The following DOCK5 variants were observed in gnomAD, a reference collection of about 807,000 sequenced individuals.
The protein encoded by DOCK5 is dedicator of cytokinesis protein 5.
In DOCK5, 142 loss-of-function variants were observed where a neutral mutation model predicts 251.8. The ratio of observed to expected loss-of-function variants is 0.56; its 90% CI spans 0.49 to 0.65. The LOEUF is 0.65. DOCK5 is among the 30% of genes least tolerant of loss of function. The pLI, the probability that DOCK5 is intolerant of heterozygous loss-of-function variation, is 0.00. For synonymous variants in DOCK5, 842 were observed against 835.5 expected, an observed-to-expected ratio of 1.01 and a Z score of -0.13; for missense variants, 2,111 against 2,312.3, an observed-to-expected ratio of 0.91 and a Z score of 1.79.
At chr8:25,236,556 A>C (rs532834260) in intron 1 of DOCK5, among the ~76,000 whole-genome samples, 5 of 152,240 alleles carry the variant, frequency 3.3e-5, no homozygotes, top group African/African-American at 1.2e-4. Context: ...TCAAGATCAT[A>C]ATGGAAAAGA....
chr8:25,224,665 T>A (rs2117506070), intron 1 of DOCK5, among the ~76,000 whole-genome samples: 1 of 152,326 alleles, frequency 6.6e-6, no homozygotes, highest in South Asian at 2.1e-4. Context: ...GGCCTGAGGC[T>A]CTTCTCTGCA....
chr8:25,373,001 AT>A (rs36091443), intron 35 of DOCK5, among the ~76,000 whole-genome samples: 19,184 of 141,174 alleles, frequency 0.14, 1,396 homozygotes, highest in African/African-American at 0.22. Context: ...AGTTTTGGGG[AT>A]TTTTTTTTTT....
chr8:25,353,593 A>T (rs1466328602), intron 27 of DOCK5, among the ~76,000 whole-genome samples: 1 of 152,124 alleles, frequency 6.6e-6, no homozygotes, highest in Non-Finnish European at 1.5e-5. Flanking sequence ...CAACAGAAAG[A>T]GGGAATAAAA....
intron 1 of DOCK5, among the ~76,000 whole-genome samples, chr8:25,233,074 A>G (rs1442514864): frequency 6.6e-6 from 1 of 152,058 alleles, no homozygotes; most frequent in African/African-American, 2.4e-5. Flanking sequence ...TCTGCCCTGC[A>G]CATTCTAGCC....
intron 28 of DOCK5, among the ~76,000 whole-genome samples, chr8:25,361,738 C>T (rs1800685222): frequency 6.6e-6 from 1 of 152,048 alleles, no homozygotes; most frequent in South Asian, 2.1e-4. Flanking sequence ...GGGGAGAATC[C>T]ACAGTTGCAC....
chr8:25,414,749 G>A lies in DOCK5; in HGVS notation c.*3451G>A, dbSNP rs911198740. The A allele has an allele frequency of 1.3e-5, 2 of 151,992 alleles. No homozygotes were observed. Among genetic ancestry groups the A allele is most frequent in the African/African-American group, 2.4e-5 (1 of 41,382 alleles). 9.4% of individuals were successfully genotyped at this position (151,992 alleles called of 1,614,324 possible). A position where few individuals can be genotyped will look rare whatever the true frequency, so the allele number is the denominator to read the frequency against. On this transcript the variant is annotated 3_prime_UTR_variant, in exon 52 of 52. Coordinates refer to ENST00000276440, the MANE Select transcript of DOCK5 (RefSeq NM_024940.8). ...TCCCACATGCCCATGGTGCCATTTT[G>A]TGAAAGGTATTTATAAGGCCCTTCA...
At chr8:25,187,151 C>T (rs1801448046) in intron 1 of DOCK5, among the ~76,000 whole-genome samples, 1 of 150,724 alleles carries the variant, frequency 6.6e-6, no homozygotes, top group African/African-American at 2.4e-5. Context: ...CACCGAGCCC[C>T]CATCACGACA....
chr8:25,397,166 G>A (rs894657170), intron 45 of DOCK5, among the ~76,000 whole-genome samples: 3 of 151,718 alleles, frequency 2.0e-5, no homozygotes, highest in African/African-American at 7.3e-5. Context: ...AGGCTGCAGT[G>A]AGCCAAGATT....
chr8:25,377,110 T>TG (rs1357729533), intron 37 of DOCK5, among the ~76,000 whole-genome samples, 195 bp from the exon 38 acceptor site: 1 of 152,228 alleles, frequency 6.6e-6, no homozygotes, highest in African/African-American at 2.4e-5. Context: ...GGGGATGCTG[T>TG]GAGTGCTCCT....
At chr8:25,244,921 T>C (rs1420207189) in intron 2 of DOCK5, among the ~76,000 whole-genome samples, 2 of 152,210 alleles carry the variant, frequency 1.3e-5, no homozygotes, top group Non-Finnish European at 2.9e-5. Context: ...TCTTCCCTTT[T>C]TCTTTCTACT....
chr8:25,369,586 C>A lies in DOCK5; in HGVS notation c.3469C>A (p.Gln1157Lys). 2.5e-6 allele frequency: 4 copies of A among 1,611,692 alleles called. No homozygotes were observed. Among genetic ancestry groups the A allele is most frequent in the Non-Finnish European group, 3.4e-6 (4 of 1,178,994 alleles). ...GAATGAGCTGATCACAAAGCTGGAC[C>A]AGGAGGTAGAAGGGGGCAGAGGAGA... ...FENELITKLD[Q>K]EVEGGRGDEQ... The change falls in exon 34 of 52, where the codon CAG becomes AAG. Residue 1157 changes from glutamine (Q) to lysine (K), a missense_variant. This residue lies in a region of DOCK5 where 1,717 missense variants were observed against 1,892.4 expected (regional missense o/e 0.91). Transcript: ENST00000276440.
At chr8:25,287,772 G>A (rs1804376809) in intron 5 of DOCK5, among the ~76,000 whole-genome samples, 1 of 152,130 alleles carries the variant, frequency 6.6e-6, no homozygotes, top group South Asian at 2.1e-4. Context: ...AGAGATAACC[G>A]AGAAGGCTTC....
chr8:25,228,654 G>A (rs571847809), intron 1 of DOCK5, among the ~76,000 whole-genome samples: 1 of 152,320 alleles, frequency 6.6e-6, no homozygotes, highest in African/African-American at 2.4e-5. Context: ...CGTTGCCGTG[G>A]CAGTGGTAAC....
intron 27 of DOCK5, among the ~76,000 whole-genome samples, chr8:25,354,027 TAAAAAAAAAAAAAAAAAAAAACAAACAAA>T (rs1325747225): frequency 1.3e-4 from 1 of 7,756 alleles, no homozygotes; most frequent in Non-Finnish European, 7.0e-4. Context: ...GACTTTGTCT[TAAAAAAAAAAAAAAAAAAAAACAAACAAA>T]AAAAAAAACG....
At chr8:25,307,781 T>C (rs538962135) in intron 11 of DOCK5, among the ~76,000 whole-genome samples, 6 of 152,324 alleles carry the variant, frequency 3.9e-5, no homozygotes, top group African/African-American at 1.4e-4. Flanking sequence ...TACTGCTCAC[T>C]GTGCAGCCAA....
chr8:25,342,181 G>A (rs1043029120), intron 24 of DOCK5, among the ~76,000 whole-genome samples: 3 of 152,154 alleles, frequency 2.0e-5, no homozygotes, highest in Non-Finnish European at 2.9e-5. Context: ...ATGGACGTGG[G>A]TGTTCTTTGG....
At chr8:25,234,666 T>C (rs1802749974) in intron 1 of DOCK5, among the ~76,000 whole-genome samples, 1 of 152,206 alleles carries the variant, frequency 6.6e-6, no homozygotes, top group South Asian at 2.1e-4. Flanking sequence ...TCTTTAGTAT[T>C]CTGGATAATA....
rs1217939032 is a variant in DOCK5, at chr8:25,319,635, T to C, written c.1501T>C (p.Tyr501His). 1 of 1,591,240 alleles carries C rather than the reference T, an allele frequency of 6.3e-7. No homozygotes were observed. Among genetic ancestry groups the C allele is most frequent in the Non-Finnish European group, 8.6e-7 (1 of 1,168,680 alleles). Residue 501 changes from tyrosine to histidine, a missense_variant, in exon 15 of 52, where the codon TAT becomes CAT. This residue lies in a region of DOCK5 where 1,717 missense variants were observed against 1,892.4 expected (regional missense o/e 0.91). Coordinates refer to ENST00000276440, the MANE Select transcript of DOCK5 (RefSeq NM_024940.8). ...EGISEYKSVV[Y>H]YQVKQPCWYE... is the part of the protein sequence containing the mutation. The stretch of plus-strand genomic sequence containing the variant: ...CATTTCAGAATACAAATCAGTAGTC[T>C]ATTACCAAGTCAAGCAGCCCTGTTG...
At chr8:25,320,106 G>A (rs972839001) in intron 15 of DOCK5, among the ~76,000 whole-genome samples, 4 of 152,124 alleles carry the variant, frequency 2.6e-5, no homozygotes, top group Admixed American at 6.5e-5. Flanking sequence ...TCTGCAACTA[G>A]AACAAGCAGG....
Sources: gnomAD v4.1 joint callset for allele counts (sites outside exome capture counted in the v4.1 genomes callset) on GRCh38, gnomAD v4.1.1 for gene constraint, gnomAD v4.1.1 regional missense constraint, MANE v1.5 for transcripts, NCBI Gene and HGNC (gene_info 2026-07-23, HGNC 2026-07-21) for gene names.